CNPY4: variants seen among roughly 807,000 people sequenced by gnomAD.
CNPY4 encodes the protein canopy FGF signaling regulator 4.
Under a neutral mutation model 30.1 loss-of-function variants are expected in CNPY4, and 33 were observed. That is an observed-to-expected ratio of 1.10 (90% CI 0.83 to 1.46). CNPY4 has a LOEUF of 1.46. Ranked by LOEUF, CNPY4 falls within the 40% of genes most tolerant of loss-of-function variation. The pLI, the probability that CNPY4 is intolerant of heterozygous loss-of-function variation, is 0.00. For missense variants in CNPY4, 324 were observed against 302.6 expected (o/e 1.07, Z -0.52); for synonymous variants, 109 against 110.1 (o/e 0.99, Z 0.06).
intron 4 of CNPY4, 129 bp from the exon 5 acceptor site, chr7:100,124,385 T>C: frequency 2.9e-6 from 2 of 682,872 alleles, no homozygotes; most frequent in Non-Finnish European, 2.6e-6. Flanking sequence ...ATTGCACATC[T>C]AGTAGGCCAA....
intron 1 of CNPY4, among the ~76,000 whole-genome samples, chr7:100,121,789 G>A (rs193110643): frequency 0.059 from 8,935 of 151,422 alleles, 285 homozygotes; most frequent in Middle Eastern, 0.075. Flanking sequence ...GGTGGCTCAC[G>A]CCTGTAATCC....
At chr7:100,121,112 A>ATT (rs1798040006) in intron 1 of CNPY4, 26 of 30,718 alleles carry the variant, frequency 8.5e-4, no homozygotes, top group East Asian at 1.1e-3. Flanking sequence ...ATATATATAT[A>ATT]TATATTTTTT....
chr7:100,119,904 ACCT>A, intron 1 of CNPY4, 42 bp downstream of exon 1: 1 of 1,532,686 alleles, frequency 6.5e-7, no homozygotes, highest in South Asian at 1.2e-5. Context: ...GCCCGGCCAC[ACCT>A]CCTTCTTCTA....
rs769704167 is a variant in CNPY4 at position 100,124,718 on chromosome 7, G to C, written c.584-7G>C. On this transcript the variant is annotated splice_region_variant and splice_polypyrimidine_tract_variant and intron_variant, in intron 5 of 5. Transcript: ENST00000262932. Reference sequence around the variant, plus strand: ...ATATCTAAATTGTTTTCTGTCATCCGATCTAGCATGTCTACAGGAAACTTG... The same window carrying C: ...ATATCTAAATTGTTTTCTGTCATCCCATCTAGCATGTCTACAGGAAACTTG... 1.2e-6 allele frequency: 2 copies of C among 1,613,726 alleles called. No homozygotes were observed. Among genetic ancestry groups the C allele is most frequent in the African/African-American group, 1.3e-5 (1 of 74,890 alleles).
At chr7:100,122,211 GGT>G (rs1241614848) in intron 1 of CNPY4, 46 bp from the exon 2 acceptor site, 2 of 1,609,334 alleles carry the variant, frequency 1.2e-6, no homozygotes, top group Non-Finnish European at 8.5e-7. Context: ...ATGAATGGCT[GGT>G]GTGTTTGTCT....
At chr7:100,121,108 A>ATTTTTTTTTTTTTT (rs1562938218) in intron 1 of CNPY4, 1 of 17,894 alleles carries the variant, frequency 5.6e-5, no homozygotes, top group Non-Finnish European at 1.3e-4. Flanking sequence ...ATATATATAT[A>ATTTTTTTTTTTTTT]TATATATATT....
Position 100,124,516 on chromosome 7 carries a change from T to C in CNPY4, c.468T>C (p.Cys156=). ...TTCTGGCCCTTCTACTTGACCAGTG[T>C]GAGACCATGTTGGAGGAGTTTGAAG... ...SVEVTYLKKQ[C]ETMLEEFEDI... The change falls in exon 5 of 6, where the codon TGT becomes TGC. Residue 156 remains cysteine, a splice_region_variant and synonymous_variant. Coordinates refer to ENST00000262932, the MANE Select transcript of CNPY4 (RefSeq NM_152755.2). The C allele has an allele frequency of 6.2e-7, 1 of 1,604,194 alleles. No individual in the cohort carries two copies. The highest frequency in any genetic ancestry group is 8.5e-7 in the Non-Finnish European group (1 of 1,172,172).
At chr7:100,121,109 T>TATATATATAC (rs1407495343) in intron 1 of CNPY4, 2 of 25,952 alleles carry the variant, frequency 7.7e-5, no homozygotes, top group Admixed American at 3.4e-4. Flanking sequence ...TATATATATA[T>TATATATATAC]ATATATATTT....
At chr7:100,123,912 C>T (rs563547094) in intron 4 of CNPY4, among the ~76,000 whole-genome samples, 37 of 152,200 alleles carry the variant, frequency 2.4e-4, no homozygotes, top group African/African-American at 8.4e-4. Context: ...AGGCGGATCA[C>T]GACATCAGGG....
At chr7:100,122,668 C>T (rs1394945085) in intron 3 of CNPY4, 91 bp downstream of exon 3, 12 of 1,508,404 alleles carry the variant, frequency 8.0e-6, no homozygotes, top group Non-Finnish European at 1.1e-5. Context: ...CCCATCATCT[C>T]ACCATCATGG....
intron 1 of CNPY4, chr7:100,120,395 A>C (rs1329046014): frequency 6.6e-6 from 1 of 152,440 alleles, no homozygotes; most frequent in Non-Finnish European, 1.5e-5. Flanking sequence ...GAGACTTTGC[A>C]GACGGTGCGT....
intron 3 of CNPY4, 48 bp downstream of exon 3, chr7:100,122,625 C>G (rs1159334891): frequency 1.3e-6 from 2 of 1,536,932 alleles, no homozygotes; most frequent in South Asian, 2.5e-5. Flanking sequence ...ATACAAAGAT[C>G]TGTATCCCCT....
In CNPY4 at chr7:100,121,038, C is replaced by CTTCATCA. The variant is rs374137222; in HGVS notation, c.118+1177_118+1183dup. On this transcript the variant is annotated intron_variant, in intron 1 of 5. Coordinates refer to ENST00000262932, the MANE Select transcript of CNPY4 (RefSeq NM_152755.2). The stretch of plus-strand genomic sequence containing the variant: ...CTTTATATATGTTGATTTATTTAAT[C>CTTCATCA]TTCATCACACTCCTATGAGGGACAT... The CTTCATCA allele has an allele frequency of 4.5e-3, 534 of 119,700 alleles. 2 individuals are homozygous for CTTCATCA. The highest frequency in any genetic ancestry group is 0.016 in the African/African-American group (500 of 30,580). The allele number at this position is 119,700 out of a possible 1,614,324, so 7.4% of individuals were successfully genotyped here. A position where few individuals can be genotyped will look rare whatever the true frequency, so the allele number is the denominator to read the frequency against.
At chr7:100,124,696 T>A (rs1376538296) in intron 5 of CNPY4, 29 bp from the exon 6 acceptor site, 2 of 1,613,326 alleles carry the variant, frequency 1.2e-6, no homozygotes, top group South Asian at 1.1e-5. Flanking sequence ...AGGACTAATA[T>A]CTAAATTGTT....
In CNPY4 at chr7:100,122,585, C is replaced by G. The variant is rs1401493275; in HGVS notation, c.342+8C>G. On this transcript the variant is annotated splice_region_variant and intron_variant, in intron 3 of 5. Transcript: ENST00000262932. ...TCACTGAGATATGCCAAGGTCAGAC[C>G]CTTCCCCAGGGCAGGACCCCACTTC... The G allele has an allele frequency of 6.3e-7, 1 of 1,595,390 alleles. No individual in the cohort carries two copies. Among genetic ancestry groups the G allele is most frequent in the Admixed American group, 1.7e-5 (1 of 58,290 alleles).
intron 1 of CNPY4, chr7:100,121,112 ATATATTTTTTTTTTTTTTTTTTTTTTT>A (rs1465900618): frequency 3.3e-5 from 1 of 30,718 alleles, no homozygotes; most frequent in African/African-American, 1.6e-4. Context: ...ATATATATAT[ATATATTTTTTTTTTTTTTTTTTTTTTT>A]TTTTTTTTTT....
In CNPY4 at chr7:100,119,829, G is replaced by A. The variant is rs779535998; in HGVS notation, c.85G>A (p.Asp29Asn). Reference protein sequence around the residue: ...AWAGMLKEEDDDTERLPSKCE... With the variant: ...AWAGMLKEEDNDTERLPSKCE... ...GGCTGGGATGTTGAAGGAGGAGGAC[G>A]ATGACACAGAACGCTTGCCCAGCAA... is the stretch of plus-strand genomic sequence containing the variant. Residue 29 changes from aspartate (D) to asparagine (N), a missense_variant, in exon 1 of 6, where the codon GAT (aspartate) becomes AAT (asparagine). Coordinates refer to ENST00000262932, the MANE Select transcript of CNPY4 (RefSeq NM_152755.2). 5.0e-6 allele frequency: 8 copies of A among 1,613,658 alleles called. No homozygotes were observed. Among genetic ancestry groups the A allele is most frequent in the Middle Eastern group, 1.7e-4 (1 of 6,056 alleles).
chr7:100,122,366 C>T lies in CNPY4; in HGVS notation c.226C>T (p.His76Tyr), dbSNP rs760019677. 4.3e-6 allele frequency: 7 copies of T among 1,614,042 alleles called. No individual in the cohort carries two copies. The African/African-American group carries it at 9.3e-5, about 22-fold the overall frequency. Residue 76 changes from histidine to tyrosine, a missense_variant, in exon 2 of 6, where the codon CAC becomes TAC. By Grantham distance (83) the His-to-Tyr change is moderately conservative. Coordinates refer to ENST00000262932, the MANE Select transcript of CNPY4 (RefSeq NM_152755.2). Reference sequence around the variant, plus strand: ...GCTGGATACAGGCAAGAGGAAGAGACACGTGCCTTACAGCGTTTCGTGAGT... The same window carrying T: ...GCTGGATACAGGCAAGAGGAAGAGATACGTGCCTTACAGCGTTTCGTGAGT... ...QVLDTGKRKR[H>Y]VPYSVSETRL...
In CNPY4 at chr7:100,119,874, G is replaced by A. The variant is rs776815669; in HGVS notation, c.118+12G>A. 1.9e-6 allele frequency: 3 copies of A among 1,606,936 alleles called. 1 individual carries two copies. Among genetic ancestry groups the A allele is most frequent in the East Asian group, 2.2e-5 (1 of 44,714 alleles). ...CAGCAAATGCGAAGGTATTTGAAGGGGGTAGCCCCTATAGGCATCGCCCGG... is the reference window on the plus strand; with the variant it reads ...CAGCAAATGCGAAGGTATTTGAAGGAGGTAGCCCCTATAGGCATCGCCCGG... On this transcript the variant is annotated intron_variant, in intron 1 of 5. Transcript: ENST00000262932.
Sources: gnomAD v4.1 joint callset for allele counts (sites outside exome capture counted in the v4.1 genomes callset) on GRCh38, gnomAD v4.1.1 for gene constraint, MANE v1.5 for transcripts, NCBI Gene and HGNC (gene_info 2026-07-23, HGNC 2026-07-21) for gene names.